ENTPD5: variants seen among roughly 807,000 people sequenced by gnomAD.
ENTPD5 encodes nucleoside diphosphate phosphatase ENTPD5.
A neutral mutation model predicts 60.2 loss-of-function variants in ENTPD5; 49 were observed. That is an observed-to-expected ratio of 0.81 (90% CI 0.65 to 1.03). ENTPD5 has a LOEUF of 1.03. Ranked by LOEUF, ENTPD5 falls within the 50% of genes least tolerant of loss-of-function variation. The pLI is 0.00. For synonymous variants in ENTPD5, 187 were observed against 185.4 expected, an observed-to-expected ratio of 1.01 and a Z score of -0.07; for missense variants, 480 against 507.6, an observed-to-expected ratio of 0.95 and a Z score of 0.52.
chr14:73,977,444 G>T, intron 6 of ENTPD5, 70 bp from the exon 7 acceptor site: 1 of 1,214,718 alleles, frequency 8.2e-7, no homozygotes, highest in Non-Finnish European at 1.2e-6. Flanking sequence ...TATTTTGACA[G>T]TGTCCTGTAA....
intron 1 of ENTPD5, chr14:74,018,979 C>A: frequency 6.5e-6 from 1 of 153,860 alleles, no homozygotes; most frequent in Non-Finnish European, 1.4e-5. Context: ...AAGGTAGCCG[C>A]GGCCACGCTG....
chr14:73,989,832 CAAAAAAAAAAA>C (rs57558687), intron 3 of ENTPD5, among the ~76,000 whole-genome samples: 1 of 52,340 alleles, frequency 1.9e-5, no homozygotes, highest in Admixed American at 2.5e-4. Flanking sequence ...GACTCAGTCT[CAAAAAAAAAAA>C]AAAAAAAAAA....
downstream of ENTPD5, chr14:73,955,636 G>T (rs778143191): frequency 2.2e-6 from 3 of 1,342,772 alleles, no homozygotes; most frequent in Non-Finnish European, 3.2e-6. Context: ...GTCCGAGGAA[G>T]TGGGGAGAAG....
At chr14:73,998,669 T>C (rs2058412878) in intron 3 of ENTPD5, among the ~76,000 whole-genome samples, 1 of 151,958 alleles carries the variant, frequency 6.6e-6, no homozygotes, top group Non-Finnish European at 1.5e-5. Flanking sequence ...ACTTCAAAGC[T>C]GGGATGATGG....
chr14:74,018,209 A>T (rs1305922468), intron 1 of ENTPD5, among the ~76,000 whole-genome samples: 1 of 151,730 alleles, frequency 6.6e-6, no homozygotes, highest in East Asian at 1.9e-4. Context: ...TACAAGGCTT[A>T]TCATTACCAA....
At chr14:73,958,846 G>A, downstream of ENTPD5, 1 of 1,544,520 alleles carries the variant, frequency 6.5e-7, no homozygotes, top group Non-Finnish European at 8.7e-7. Context: ...GAGTGAAGCA[G>A]GCCTGATGGA....
intron 3 of ENTPD5, among the ~76,000 whole-genome samples, chr14:73,988,534 ATCT>A (rs2058001075): frequency 6.6e-6 from 1 of 152,228 alleles, no homozygotes; most frequent in Non-Finnish European, 1.5e-5. Flanking sequence ...AACATTTCAA[ATCT>A]TCTAGCTACT....
rs1478073808 is a variant in ENTPD5 at position 73,972,946 on chromosome 14, T to C, written c.965A>G (p.Gln322Arg). 11 of 1,614,210 alleles carry C rather than the reference T, an allele frequency of 6.8e-6. No individual in the cohort carries two copies. The highest frequency in any genetic ancestry group is 9.3e-6 in the Non-Finnish European group (11 of 1,180,048). The change falls in exon 13 of 16, where the codon CAG becomes CGG. Residue 322 changes from glutamine to arginine, a missense_variant. Gln to Arg is a conservative substitution (Grantham distance 43). Transcript: ENST00000334696. Reference protein sequence around the residue: ...RGKLHQPEEVQRGSFYAFSYY... With the variant: ...RGKLHQPEEVRRGSFYAFSYY... ...AGAGAAAGCATAGAAGGAACCTCTC[T>C]GGACCTCCTCTGGCTGGTGAAGTTT...
At chr14:74,002,409 C>A (rs2058539994) in intron 3 of ENTPD5, among the ~76,000 whole-genome samples, 1 of 152,004 alleles carries the variant, frequency 6.6e-6, no homozygotes, top group Non-Finnish European at 1.5e-5. Flanking sequence ...AGCAGTCTGA[C>A]CTTCTTACAT....
downstream of ENTPD5, chr14:73,960,456 C>A: frequency 5.0e-6 from 5 of 990,742 alleles, no homozygotes; most frequent in Non-Finnish European, 4.8e-6. Context: ...AAAGACTCCA[C>A]TGCTCTGTAG....
At chr14:73,961,951 T>C, downstream of ENTPD5, 1 of 1,602,806 alleles carries the variant, frequency 6.2e-7, no homozygotes, top group African/African-American at 1.3e-5. Flanking sequence ...TCTTAATTTC[T>C]TTTGCTTTTT....
At chr14:74,014,852 G>C (rs2140883037) in intron 2 of ENTPD5, among the ~76,000 whole-genome samples, 1 of 152,302 alleles carries the variant, frequency 6.6e-6, no homozygotes, top group South Asian at 2.1e-4. Context: ...AGCCGAGGCA[G>C]GCAGATCACT....
chr14:74,006,961 A>G (rs563935359), intron 3 of ENTPD5, among the ~76,000 whole-genome samples: 35 of 152,344 alleles, frequency 2.3e-4, no homozygotes, highest in African/African-American at 8.2e-4. Context: ...TTGAAGATAC[A>G]TATCAGTTAA....
intron 5 of ENTPD5, among the ~76,000 whole-genome samples, chr14:73,985,763 T>C (rs907237551): frequency 6.6e-6 from 1 of 152,056 alleles, no homozygotes; most frequent in Non-Finnish European, 1.5e-5. Context: ...ATCCATGTGC[T>C]ACTGAACTAA....
downstream of ENTPD5, chr14:73,961,163 TG>T (rs751572559): frequency 1.9e-6 from 3 of 1,612,902 alleles, no homozygotes; most frequent in Non-Finnish European, 2.5e-6. Flanking sequence ...TTGTGGCTGA[TG>T]CTGCTCAGTG....
chr14:73,972,136 T>C (rs552210875), intron 13 of ENTPD5, among the ~76,000 whole-genome samples: 1 of 151,070 alleles, frequency 6.6e-6, no homozygotes, highest in South Asian at 2.1e-4. Context: ...CCCAGCACTT[T>C]GGGAGGCCGA....
chr14:73,960,672 CAAGT>C (rs776722655), downstream of ENTPD5: 42 of 858,530 alleles, frequency 4.9e-5, no homozygotes, highest in Non-Finnish European at 5.8e-5. Context: ...AGTTCATAGT[CAAGT>C]AAGGAAGACC....
rs1328748030 is a variant in ENTPD5, at chr14:73,975,969, A to T, written c.689T>A (p.Met230Lys). The T allele has an allele frequency of 6.2e-7, 1 of 1,613,764 alleles. No individual in the cohort carries two copies. Among genetic ancestry groups the T allele is most frequent in the Non-Finnish European group, 8.5e-7 (1 of 1,179,880 alleles). The change falls in exon 10 of 16, where the codon ATG becomes AAG. Residue 230 changes from methionine to lysine, a missense_variant. Physicochemically the swap from Met to Lys is moderately conservative, Grantham distance 95. Coordinates refer to ENST00000334696, the MANE Select transcript of ENTPD5 (RefSeq NM_001249.5). ...ATAGAGCTTATAAGTGCTGTTAAAC[A>T]TCTCAAAGGAAGTGAGGTAGCCCCT... ...TPRGYLTSFE[M>K]FNSTYKLYTH...
chr14:73,988,006 T>C lies in ENTPD5; in HGVS notation c.97A>G (p.Ile33Val). The C allele has an allele frequency of 1.9e-6, 3 of 1,614,180 alleles. No homozygotes were observed. The highest frequency in any genetic ancestry group is 1.3e-5 in the African/African-American group (1 of 75,056). The change falls in exon 4 of 16, where the codon ATC becomes GTC. Residue 33 changes from isoleucine (I) to valine (V), a missense_variant. Physicochemically the swap from Ile to Val is conservative, Grantham distance 29. Coordinates refer to ENST00000334696, the MANE Select transcript of ENTPD5 (RefSeq NM_001249.5). ...HRNQQTWFEG[I>V]FLSSMCPINV... ...ATGGGGCACATGGAAGACAGGAAGA[T>C]ACCCTCAAACCAAGTCTGCTGGTTC...
Sources: allele counts gnomAD v4.1 joint callset (sites outside exome capture counted in the v4.1 genomes callset), GRCh38; gene constraint gnomAD v4.1.1; transcripts MANE v1.5; gene names NCBI Gene and HGNC (gene_info 2026-07-23, HGNC 2026-07-21).